Variants in ADAMTS12 observed in about 807,000 individuals in gnomAD.
The protein encoded by ADAMTS12 is A disintegrin and metalloproteinase with thrombospondin motifs 12.
A neutral mutation model predicts 167.8 loss-of-function variants in ADAMTS12; 118 were observed. The ratio of observed to expected loss-of-function variants is 0.70; its 90% confidence interval spans 0.61 to 0.82. The LOEUF (loss-of-function observed/expected upper bound fraction) is 0.82, where lower values mean the gene tolerates loss of function less well. ADAMTS12 is among the 40% of genes least tolerant of loss of function. ADAMTS12 has a pLI of 0.00. For synonymous variants in ADAMTS12, 704 were observed against 716.9 expected (o/e 0.98, Z 0.29); for missense variants, 1,916 against 1,998.8 (o/e 0.96, Z 0.79).
intron 1 of ADAMTS12, among the ~76,000 whole-genome samples, chr5:33,883,327 G>GTTTTTTTT (rs79064946): frequency 3.5e-4 from 39 of 111,584 alleles, no homozygotes; most frequent in African/African-American, 1.2e-3. Context: ...TTTTTTTTTT[G>GTTTTTTTT]TTTTTTTTTT....
intron 3 of ADAMTS12, among the ~76,000 whole-genome samples, chr5:33,685,644 T>C (rs181983680): frequency 2.0e-5 from 3 of 152,322 alleles, no homozygotes; most frequent in Admixed American, 1.3e-4. Flanking sequence ...AATAATGCTG[T>C]ACTTCAATAT....
chr5:33,857,382 T>A (rs545291892), intron 2 of ADAMTS12, among the ~76,000 whole-genome samples: 24 of 151,650 alleles, frequency 1.6e-4, no homozygotes, highest in African/African-American at 5.8e-4. Flanking sequence ...AGTGTATACT[T>A]GAAATTTGCT....
At chr5:33,790,712 TAGAG>T (rs1303465873) in intron 2 of ADAMTS12, among the ~76,000 whole-genome samples, 3 of 148,868 alleles carry the variant, frequency 2.0e-5, no homozygotes, top group Admixed American at 1.3e-4. Flanking sequence ...TGTGTGCACA[TAGAG>T]ATTCAGGTAT....
chr5:33,597,436 A>T (rs1707840938), intron 16 of ADAMTS12, among the ~76,000 whole-genome samples: 2 of 152,184 alleles, frequency 1.3e-5, no homozygotes, highest in Admixed American at 6.5e-5. Context: ...AGAATTGGAA[A>T]GGCCCGGAGC....
chr5:33,773,725 C>A (rs10070198), intron 2 of ADAMTS12, among the ~76,000 whole-genome samples: 1 of 152,138 alleles, frequency 6.6e-6, no homozygotes, highest in East Asian at 1.9e-4. Context: ...GAGCCTAGCC[C>A]AGCACCACAT....
intron 3 of ADAMTS12, among the ~76,000 whole-genome samples, chr5:33,735,577 T>C (rs1744341858): frequency 6.6e-6 from 1 of 152,212 alleles, no homozygotes; most frequent in South Asian, 2.1e-4. Flanking sequence ...TTATGGACTG[T>C]AGTTGCCTGG....
chr5:33,542,045 T>A (rs996714683), intron 22 of ADAMTS12, among the ~76,000 whole-genome samples: 14 of 151,946 alleles, frequency 9.2e-5, no homozygotes, highest in African/African-American at 3.4e-4. Context: ...CAGACTAGCA[T>A]TTTGGATAAA....
At chr5:33,538,773 A>G (rs1744537608) in intron 22 of ADAMTS12, among the ~76,000 whole-genome samples, 2 of 152,056 alleles carry the variant, frequency 1.3e-5, no homozygotes, top group Non-Finnish European at 2.9e-5. Context: ...ACACCACTTC[A>G]TTTTTGACTC....
chr5:33,614,425 T>C, intron 15 of ADAMTS12, 49 bp from the exon 16 acceptor site: 2 of 1,599,534 alleles, frequency 1.3e-6, no homozygotes, highest in Non-Finnish European at 1.7e-6. Flanking sequence ...CTTTATACCA[T>C]AAGCCAGTCA....
chr5:33,868,423 C>A (rs1749911457), intron 2 of ADAMTS12, among the ~76,000 whole-genome samples: 1 of 152,064 alleles, frequency 6.6e-6, no homozygotes, highest in Non-Finnish European at 1.5e-5. Flanking sequence ...ACATAGAAGT[C>A]CAGGCTAAGG....
chr5:33,647,068 T>A (rs1446364790), intron 9 of ADAMTS12, among the ~76,000 whole-genome samples: 1 of 151,908 alleles, frequency 6.6e-6, no homozygotes, highest in African/African-American at 2.4e-5. Context: ...GATGAAAATA[T>A]GAAGGAGAGG....
chr5:33,790,730 C>T (rs1746528264), intron 2 of ADAMTS12, among the ~76,000 whole-genome samples: 2 of 149,566 alleles, frequency 1.3e-5, no homozygotes, highest in South Asian at 2.1e-4. Context: ...CAGGTATACA[C>T]ACAAACACAC....
chr5:33,616,500 C>T (rs546030131), intron 14 of ADAMTS12, among the ~76,000 whole-genome samples: 2 of 152,166 alleles, frequency 1.3e-5, no homozygotes, highest in African/African-American at 2.4e-5. Context: ...TTCCTCACCC[C>T]CCTTGCCAGC....
intron 17 of ADAMTS12, among the ~76,000 whole-genome samples, chr5:33,595,497 T>C (rs541559158): frequency 9.2e-5 from 14 of 152,264 alleles, no homozygotes; most frequent in African/African-American, 2.4e-4. Context: ...AATGTCAAGA[T>C]TGGGAAAACC....
chr5:33,736,093 A>T, intron 3 of ADAMTS12, among the ~76,000 whole-genome samples: 3 of 144,518 alleles, frequency 2.1e-5, no homozygotes. Context: ...ACAGAGTCTC[A>T]CTCTTGTCAC....
Position 33,575,519 on chromosome 5 carries a change from A to G in ADAMTS12, c.3972+535T>C, listed in dbSNP as rs550246838. 5.3e-5 allele frequency among the ~76,000 whole-genome samples: 8 copies of G among 152,318 alleles called. No individual in the cohort carries two copies. In the East Asian group the frequency reaches 9.6e-4, roughly 18 times the overall value. On this transcript the variant is annotated intron_variant, in intron 19 of 23. Transcript: ENST00000504830. ...AGCTTAGTTCAGGGTACTTTTCACT[A>G]TATCTCACTACATTTGTTCTCCTTC...
intron 2 of ADAMTS12, among the ~76,000 whole-genome samples, chr5:33,833,371 A>G (rs1486526827): frequency 1.2e-4 from 19 of 152,220 alleles, no homozygotes; most frequent in Admixed American, 1.2e-3. Flanking sequence ...CGAGGTCATA[A>G]TCATTGCAAC....
intron 13 of ADAMTS12, among the ~76,000 whole-genome samples, chr5:33,629,657 C>T (rs1469620301): frequency 6.6e-6 from 1 of 152,208 alleles, no homozygotes; most frequent in Non-Finnish European, 1.5e-5. Flanking sequence ...GCAATGACAT[C>T]TGCCCAGCAA....
chr5:33,741,275 T>C (rs1744567519), intron 3 of ADAMTS12, among the ~76,000 whole-genome samples: 1 of 152,112 alleles, frequency 6.6e-6, no homozygotes, highest in African/African-American at 2.4e-5. Context: ...GTTCTGAAGG[T>C]TGGAAGGCCT....
Sources: gnomAD v4.1 joint callset for allele counts (sites outside exome capture counted in the v4.1 genomes callset) on GRCh38, gnomAD v4.1.1 for gene constraint, MANE v1.5 for transcripts, NCBI Gene and HGNC (gene_info 2026-07-23, HGNC 2026-07-21) for gene names.